The following AFAP1L1 variants were observed in gnomAD, a reference collection of about 807,000 sequenced individuals.
AFAP1L1 encodes actin filament-associated protein 1-like 1.
Under a neutral mutation model 99.8 loss-of-function variants are expected in AFAP1L1, and 77 were observed. That is an observed-to-expected ratio of 0.77 (90% confidence interval 0.64 to 0.93). AFAP1L1 has a LOEUF of 0.93. Among genes scored for constraint, AFAP1L1 ranks in the 40% least tolerant of loss-of-function variants. The probability of loss-of-function intolerance (pLI) is 0.00; values close to 1 mark genes in which losing one functional copy is unlikely to be tolerated. For missense variants in AFAP1L1, 893 were observed against 996.8 expected (o/e 0.90, Z 1.40); for synonymous variants, 373 against 395.3 (o/e 0.94, Z 0.67).
chr5:149,330,201 A>G (rs1202028200), intron 16 of AFAP1L1, among the ~76,000 whole-genome samples: 1 of 152,212 alleles, frequency 6.6e-6, no homozygotes, highest in African/African-American at 2.4e-5. Context: ...TCACAGATAT[A>G]TGTGAGACAT....
At chr5:149,301,372 C>T (rs567740306) in intron 4 of AFAP1L1, 142 bp downstream of exon 4, 1 of 635,236 alleles carries the variant, frequency 1.6e-6, no homozygotes, top group Non-Finnish European at 2.8e-6. Context: ...AGGGCACAGG[C>T]AGCACCATGT....
intron 1 of AFAP1L1, among the ~76,000 whole-genome samples, chr5:149,283,277 G>A (rs574907043): frequency 6.6e-6 from 1 of 152,274 alleles, no homozygotes; most frequent in South Asian, 2.1e-4. Flanking sequence ...AGGGCCTCAG[G>A]GCTGCCATTA....
At chr5:149,305,878 CCACACACACACA>C (rs56036411) in intron 5 of AFAP1L1, among the ~76,000 whole-genome samples, 227 of 142,568 alleles carry the variant, frequency 1.6e-3, no homozygotes, top group African/African-American at 5.5e-3. Context: ...GACCAACACA[CCACACACACACA>C]CACACACACA....
intron 1 of AFAP1L1, among the ~76,000 whole-genome samples, chr5:149,286,202 C>G (rs1374100254): frequency 6.6e-6 from 1 of 152,116 alleles, no homozygotes. Flanking sequence ...CTTCTCTAAG[C>G]ACTTTATGTA....
At chr5:149,315,509 T>C (rs1263083018) in intron 9 of AFAP1L1, 2 of 338,804 alleles carry the variant, frequency 5.9e-6, no homozygotes, top group African/African-American at 4.2e-5. Context: ...AGTGTTCCAC[T>C]TAAATACTTT....
At position 149,319,658 on chromosome 5, in the gene AFAP1L1, C is replaced by T. The variant is rs1413854340; in HGVS notation, c.1556C>T (p.Ala519Val). 39 of 1,612,780 alleles carry T rather than the reference C, an allele frequency of 2.4e-5. No individual in the cohort carries two copies. Among genetic ancestry groups the T allele is most frequent in the Non-Finnish European group, 2.3e-5 (27 of 1,180,034 alleles). The change falls in exon 13 of 19, where the codon GCG becomes GTG. Residue 519 changes from alanine (A) to valine (V), a missense_variant. Physicochemically the swap from Ala to Val is moderately conservative, Grantham distance 64 (BLOSUM62 0). Transcript: ENST00000296721. ...VEMGSRVTPE[A>V]LHYDYVDVET... The stretch of plus-strand genomic sequence containing the variant: ...ATGGGCTCCAGAGTCACTCCGGAGG[C>T]GCTGCACTATGACTACGTGGATGTG...
intron 6 of AFAP1L1, among the ~76,000 whole-genome samples, 157 bp downstream of exon 6, chr5:149,306,561 C>A (rs189292207): frequency 2.0e-5 from 3 of 152,356 alleles, no homozygotes; most frequent in African/African-American, 7.2e-5. Context: ...GTGACCCCAG[C>A]ACTCAGTGGA....
intron 8 of AFAP1L1, 56 bp downstream of exon 8, chr5:149,310,191 C>G (rs545656591): frequency 5.3e-6 from 8 of 1,506,240 alleles, no homozygotes; most frequent in Admixed American, 2.2e-5. Flanking sequence ...CTTCCCCAAG[C>G]CAGCCCTCAG....
intron 4 of AFAP1L1, 76 bp downstream of exon 4, chr5:149,301,306 C>G: frequency 7.1e-7 from 1 of 1,409,374 alleles, no homozygotes; most frequent in Non-Finnish European, 9.9e-7. Flanking sequence ...CTCCCCTTCC[C>G]ACTGGGTGCT....
chr5:149,289,512 C>T (rs908124907), intron 1 of AFAP1L1, among the ~76,000 whole-genome samples: 4 of 152,100 alleles, frequency 2.6e-5, no homozygotes, highest in Non-Finnish European at 5.9e-5. Context: ...GTGGGCTTCC[C>T]TATCCAAGCT....
At chr5:149,322,551 C>A in intron 14 of AFAP1L1, 55 bp from the exon 15 acceptor site, 1 of 1,286,196 alleles carries the variant, frequency 7.8e-7, no homozygotes, top group Non-Finnish European at 1.1e-6. Flanking sequence ...ATACACCCTG[C>A]ATTGATGAGT....
chr5:149,308,619 A>C (rs1203809146), intron 7 of AFAP1L1, among the ~76,000 whole-genome samples: 1 of 152,192 alleles, frequency 6.6e-6, no homozygotes, highest in African/African-American at 2.4e-5. Flanking sequence ...ACATCAATGC[A>C]TCTGAAACAT....
chr5:149,310,990 C>A (rs1581322244), intron 8 of AFAP1L1, among the ~76,000 whole-genome samples: 1 of 152,192 alleles, frequency 6.6e-6, no homozygotes, highest in Non-Finnish European at 1.5e-5. Context: ...GCACTTGGCA[C>A]AGCGCCTGCC....
At chr5:149,330,722 T>C (rs1280927983) in intron 16 of AFAP1L1, among the ~76,000 whole-genome samples, 1 of 152,192 alleles carries the variant, frequency 6.6e-6, no homozygotes, top group African/African-American at 2.4e-5. Context: ...TTGGAGCAAG[T>C]TGACTCTCCT....
At chr5:149,339,870 AAG>A (rs572689480) in intron 18 of AFAP1L1, 135 bp from the exon 19 acceptor site, 19 of 733,846 alleles carry the variant, frequency 2.6e-5, no homozygotes, top group Non-Finnish European at 3.6e-5. Context: ...GGGCCACAGA[AAG>A]AGAGAGAGGG....
At chr5:149,324,462 T>C (rs1414866250) in intron 15 of AFAP1L1, among the ~76,000 whole-genome samples, 3 of 152,216 alleles carry the variant, frequency 2.0e-5, no homozygotes, top group African/African-American at 4.8e-5. Context: ...TTTCAACATA[T>C]GAATTTTGGG....
At chr5:149,272,702 G>T (rs1183423270) in intron 1 of AFAP1L1, among the ~76,000 whole-genome samples, 1 of 152,112 alleles carries the variant, frequency 6.6e-6, no homozygotes, top group Admixed American at 6.5e-5. Flanking sequence ...ATTTTTTTCT[G>T]TTTGTTTTGT....
intron 1 of AFAP1L1, among the ~76,000 whole-genome samples, chr5:149,298,002 C>T (rs771050419): frequency 1.2e-4 from 19 of 152,216 alleles, no homozygotes; most frequent in Admixed American, 2.0e-4. Context: ...TATTATCCTC[C>T]GCCTTTACAG....
chr5:149,285,723 G>A (rs1356479767), intron 1 of AFAP1L1, among the ~76,000 whole-genome samples: 1 of 152,142 alleles, frequency 6.6e-6, no homozygotes, highest in African/African-American at 2.4e-5. Flanking sequence ...TTGTGGTCTT[G>A]GAACTGTCAC....
Sources: gnomAD v4.1 joint callset for allele counts (sites outside exome capture counted in the v4.1 genomes callset) on GRCh38, gnomAD v4.1.1 for gene constraint, MANE v1.5 for transcripts, NCBI Gene and HGNC (gene_info 2026-07-23, HGNC 2026-07-21) for gene names.